The following FAM193A variants were observed in gnomAD, a reference collection of about 807,000 sequenced individuals.
FAM193A encodes the protein family with sequence similarity 193 member A, also known as protein FAM193A.
A neutral mutation model predicts 126.5 loss-of-function variants in FAM193A; 22 were observed. That is an observed-to-expected ratio of 0.17 (90% CI 0.12 to 0.25). FAM193A has a LOEUF of 0.25. Ranked by LOEUF, FAM193A falls within the 10% of genes least tolerant of loss-of-function variation. The pLI is 1.00. For synonymous variants in FAM193A, 761 were observed against 646.8 expected, an observed-to-expected ratio of 1.18 and a Z score of -2.68; for missense variants, 1,675 against 1,672.8, an observed-to-expected ratio of 1.00 and a Z score of -0.02.
chr4:2,560,949 G>A (rs576671065), intron 1 of FAM193A, among the ~76,000 whole-genome samples: 32 of 152,194 alleles, frequency 2.1e-4, no homozygotes, highest in African/African-American at 7.0e-4. Context: ...TGCTGCACCT[G>A]GCTCCCTTTG....
intron 19 of FAM193A, among the ~76,000 whole-genome samples, chr4:2,706,918 C>T (rs952130817): frequency 5.3e-5 from 8 of 151,068 alleles, no homozygotes; most frequent in Non-Finnish European, 7.4e-5. Context: ...GTCAGGAGTT[C>T]GAGATCAGCC....
At chr4:2,564,168 A>ACCAC (rs1738794228) in intron 1 of FAM193A, among the ~76,000 whole-genome samples, 1 of 152,090 alleles carries the variant, frequency 6.6e-6, no homozygotes, top group African/African-American at 2.4e-5. Flanking sequence ...TGCAGCCTCA[A>ACCAC]CCACCCAGGC....
intron 15 of FAM193A, among the ~76,000 whole-genome samples, chr4:2,691,800 C>T (rs984183335): frequency 1.1e-4 from 16 of 147,750 alleles, no homozygotes; most frequent in Non-Finnish European, 3.0e-5. Context: ...GTTAAAAAAA[C>T]AGGAAGTTTG....
intron 19 of FAM193A, among the ~76,000 whole-genome samples, chr4:2,711,557 C>T (rs1269566417): frequency 6.6e-6 from 1 of 151,114 alleles, no homozygotes; most frequent in Non-Finnish European, 1.5e-5. Flanking sequence ...CCAGGCTGGT[C>T]TTGAACTCCT....
At chr4:2,540,399 C>T (rs866586730) in intron 1 of FAM193A, among the ~76,000 whole-genome samples, 2 of 152,000 alleles carry the variant, frequency 1.3e-5, no homozygotes, top group East Asian at 1.9e-4. Flanking sequence ...ACCTGGGAGG[C>T]GGAGCTTGCA....
intron 19 of FAM193A, among the ~76,000 whole-genome samples, chr4:2,706,500 T>G (rs1026543854): frequency 1.3e-5 from 2 of 151,890 alleles, no homozygotes; most frequent in Non-Finnish European, 2.9e-5. Context: ...TTCTCCTTGT[T>G]GGTCAGGCTG....
At position 2,579,311 on chromosome 4, in the gene FAM193A, A is replaced by G. The variant is rs529743248; in HGVS notation, c.256-16773A>G. Among the ~76,000 whole-genome samples, 6 of 152,166 alleles carry G rather than the reference A, an allele frequency of 3.9e-5. No individual in the cohort carries two copies. The South Asian group carries it at 1.0e-3, about 26-fold the overall frequency. On this transcript the variant is annotated intron_variant, in intron 1 of 20. Transcript: ENST00000637812. ...GGAGTTCAAGACCAGCCTGGCCAAC[A>G]TGGTGAAACCCCATCTCTACTGAAA...
At chr4:2,721,899 C>T (rs1040924142) in intron 20 of FAM193A, among the ~76,000 whole-genome samples, 2 of 152,158 alleles carry the variant, frequency 1.3e-5, no homozygotes, top group African/African-American at 2.4e-5. Context: ...GCAGTGAAGA[C>T]GAACAGACTG....
intron 18 of FAM193A, among the ~76,000 whole-genome samples, chr4:2,697,519 G>A (rs1717176135): frequency 6.6e-6 from 1 of 152,326 alleles, no homozygotes; most frequent in Admixed American, 6.5e-5. Context: ...GTAGGTTCCT[G>A]GGGTTCTGAC....
chr4:2,601,841 T>TATC (rs1433062578), intron 2 of FAM193A, among the ~76,000 whole-genome samples: 3 of 150,492 alleles, frequency 2.0e-5, no homozygotes, highest in Non-Finnish European at 2.9e-5. Flanking sequence ...TGTTGCTTTT[T>TATC]ATTATTATTA....
intron 19 of FAM193A, among the ~76,000 whole-genome samples, chr4:2,704,261 CAAAAA>C (rs958166050): frequency 1.1e-5 from 1 of 89,314 alleles, no homozygotes. Context: ...GACTCCATCT[CAAAAA>C]AAAAAAAAAA....
chr4:2,661,526 A>G (rs1712443270), intron 10 of FAM193A, among the ~76,000 whole-genome samples: 1 of 152,182 alleles, frequency 6.6e-6, no homozygotes, highest in African/African-American at 2.4e-5. Context: ...GCATTGGCCC[A>G]GGCAGCGTCC....
At chr4:2,680,096 G>GCCTCCCATCTT (rs1714930294) in intron 13 of FAM193A, among the ~76,000 whole-genome samples, 1 of 152,040 alleles carries the variant, frequency 6.6e-6, no homozygotes, top group Non-Finnish European at 1.5e-5. Flanking sequence ...CCTGACCTCA[G>GCCTCCCATCTT]GTTATCCACC....
At chr4:2,608,989 C>T (rs1268936353) in intron 2 of FAM193A, among the ~76,000 whole-genome samples, 1 of 150,292 alleles carries the variant, frequency 6.7e-6, no homozygotes, top group Non-Finnish European at 1.5e-5. Flanking sequence ...CTCCCGGGTT[C>T]ACGCCATTCT....
intron 16 of FAM193A, among the ~76,000 whole-genome samples, chr4:2,694,343 C>T (rs954516450): frequency 3.3e-5 from 5 of 151,954 alleles, no homozygotes; most frequent in African/African-American, 9.7e-5. Context: ...GATCTCAGCT[C>T]ACTGCAACCT....
intron 1 of FAM193A, among the ~76,000 whole-genome samples, chr4:2,544,034 G>A (rs186801238): frequency 3.3e-5 from 5 of 152,070 alleles, no homozygotes; most frequent in Non-Finnish European, 1.5e-5. Context: ...TAGAAATTGC[G>A]ACCACGGTGA....
At chr4:2,668,779 C>T (rs545340748) in intron 12 of FAM193A, among the ~76,000 whole-genome samples, 2 of 151,744 alleles carry the variant, frequency 1.3e-5, no homozygotes, top group Admixed American at 1.3e-4. Flanking sequence ...TCTTTCTTTT[C>T]CTTTTCCTCT....
intron 20 of FAM193A, among the ~76,000 whole-genome samples, chr4:2,721,336 AAAAAAG>A (rs1212154618): frequency 8.0e-5 from 10 of 125,696 alleles, no homozygotes; most frequent in African/African-American, 2.9e-4. Context: ...AAAAAAAAAA[AAAAAAG>A]CCAGGCATGG....
At chr4:2,715,099 C>T (rs775761110) in intron 19 of FAM193A, among the ~76,000 whole-genome samples, 1 of 152,230 alleles carries the variant, frequency 6.6e-6, no homozygotes, top group Non-Finnish European at 1.5e-5. Flanking sequence ...TCCCTGCTAT[C>T]CTGCCTGTTT....
Sources: gnomAD v4.1 joint callset for allele counts (sites outside exome capture counted in the v4.1 genomes callset) on GRCh38, gnomAD v4.1.1 for gene constraint, MANE v1.5 for transcripts, NCBI Gene and HGNC (gene_info 2026-07-23, HGNC 2026-07-21) for gene names.